The following FAR2 variants were observed in gnomAD, a reference collection of about 807,000 sequenced individuals.
FAR2 encodes epididymis secretory protein Li 81.
FAR2 carries 19 observed loss-of-function variants against 56.0 expected under a neutral mutation model. The ratio of observed to expected loss-of-function variants is 0.34; its 90% CI spans 0.24 to 0.50. The LOEUF (loss-of-function observed/expected upper bound fraction) is 0.50, where lower values mean the gene tolerates loss of function less well. FAR2 is among the 20% of genes least tolerant of loss of function. FAR2 has a pLI of 0.98. For missense variants in FAR2, 508 were observed against 642.2 expected (o/e 0.79, Z 2.26); for synonymous variants, 219 against 218.8 (o/e 1.00, Z -0.01).
At chr12:29,184,732 C>T (rs547226465) in intron 1 of FAR2, among the ~76,000 whole-genome samples, 24 of 152,088 alleles carry the variant, frequency 1.6e-4, no homozygotes, top group Non-Finnish European at 3.2e-4. Context: ...CCACTGAGCC[C>T]GGCCCCTTCA....
intron 1 of FAR2, among the ~76,000 whole-genome samples, chr12:29,239,665 C>A (rs1263791605): frequency 1.3e-5 from 2 of 152,062 alleles, no homozygotes. Context: ...TCATCATAAC[C>A]AAAGATTTTA....
intron 10 of FAR2, among the ~76,000 whole-genome samples, chr12:29,325,715 A>G (rs1949632480): frequency 6.6e-6 from 1 of 152,230 alleles, no homozygotes; most frequent in South Asian, 2.1e-4. Flanking sequence ...GAACAAAGAC[A>G]CAACATACCA....
intron 1 of FAR2, among the ~76,000 whole-genome samples, chr12:29,202,481 G>T (rs1947428487): frequency 6.6e-6 from 1 of 152,008 alleles, no homozygotes; most frequent in South Asian, 2.1e-4. Context: ...TTATTTCCTT[G>T]CTATTAAAAA....
At chr12:29,243,935 C>G (rs548062208) in intron 1 of FAR2, among the ~76,000 whole-genome samples, 2 of 152,150 alleles carry the variant, frequency 1.3e-5, no homozygotes, top group Non-Finnish European at 2.9e-5. Flanking sequence ...CAGGTGGTGT[C>G]TCGTTCATCA....
chr12:29,288,498 C>A (rs1468702889), intron 2 of FAR2, among the ~76,000 whole-genome samples: 2 of 152,026 alleles, frequency 1.3e-5, no homozygotes, highest in Non-Finnish European at 2.9e-5. Flanking sequence ...ATTTTTCTTA[C>A]TTTAATCTCT....
At chr12:29,202,652 G>A (rs1947430563) in intron 1 of FAR2, among the ~76,000 whole-genome samples, 1 of 152,152 alleles carries the variant, frequency 6.6e-6, no homozygotes, top group African/African-American at 2.4e-5. Flanking sequence ...CATCCTTGCA[G>A]TAATGAGAGG....
intron 1 of FAR2, among the ~76,000 whole-genome samples, chr12:29,221,126 G>T (rs1947685034): frequency 6.6e-6 from 1 of 152,050 alleles, no homozygotes; most frequent in East Asian, 1.9e-4. Flanking sequence ...GCGTATTCCT[G>T]TAAGGTCATA....
At chr12:29,173,165 GTCTGCTTTGA>G (rs770175456) in intron 1 of FAR2, among the ~76,000 whole-genome samples, 2 of 152,196 alleles carry the variant, frequency 1.3e-5, no homozygotes, top group Non-Finnish European at 2.9e-5. Flanking sequence ...ACTTCCATGG[GTCTGCTTTGA>G]TCTGCTTTAT....
chr12:29,316,770 C>A, intron 8 of FAR2, 71 bp from the exon 9 acceptor site: 1 of 1,463,708 alleles, frequency 6.8e-7, no homozygotes, highest in Non-Finnish European at 9.4e-7. Flanking sequence ...TGACCCATTA[C>A]AAATGCTTTC....
At position 29,333,776 on chromosome 12, in the gene FAR2, C is replaced by G. The variant is rs115301504; in HGVS notation, c.1530C>G (p.Ser510=). Residue 510 remains serine (S), a synonymous_variant, in exon 12 of 12, where the codon TCC becomes TCG. Transcript: ENST00000536681. The part of the protein sequence containing the change: ...CYKFLSYFRA[S]STLKV ...AATTCCTCTCCTACTTTAGAGCATCCAGCACGCTCAAAGTTTAAGAGCATT... is the reference window on the plus strand; with the variant it reads ...AATTCCTCTCCTACTTTAGAGCATCGAGCACGCTCAAAGTTTAAGAGCATT... 518 of 1,613,586 alleles carry G rather than the reference C, an allele frequency of 3.2e-4. No individual in the cohort carries two copies. The African/African-American group carries it at 6.2e-3, about 19-fold the overall frequency.
chr12:29,334,914 A>T lies in FAR2; in HGVS notation c.*1120A>T, dbSNP rs1047652991. 1 of 152,192 alleles carries T rather than the reference A, an allele frequency of 6.6e-6. No homozygotes were observed. Among genetic ancestry groups the T allele is most frequent in the African/African-American group, 2.4e-5 (1 of 41,458 alleles). The allele number at this position is 152,192 out of a possible 1,614,324, so 9.4% of individuals were successfully genotyped here. On this transcript the variant is annotated 3_prime_UTR_variant, in exon 12 of 12. Transcript: ENST00000536681. Reference sequence around the variant, plus strand: ...TCTTAAAAAATTTTGTGTATAATACAAACTAATGAAAACTATACATATTCT... The same window carrying T: ...TCTTAAAAAATTTTGTGTATAATACTAACTAATGAAAACTATACATATTCT...
intron 1 of FAR2, among the ~76,000 whole-genome samples, chr12:29,216,469 A>G (rs76284333): frequency 2.7e-5 from 2 of 74,782 alleles, no homozygotes; most frequent in African/African-American, 6.7e-5. Context: ...TATTGCTCTC[A>G]TGTGTACAGC....
rs569497450 is a variant in FAR2 at position 29,211,643 on chromosome 12, C to T, written c.-38-58769C>T. Among the ~76,000 whole-genome samples, 57 of 152,012 alleles carry T rather than the reference C, an allele frequency of 3.7e-4. 1 individual carries two copies. The highest frequency in any genetic ancestry group is 1.4e-3 in the African/African-American group (56 of 41,444). On this transcript the variant is annotated intron_variant, in intron 1 of 11. Transcript: ENST00000536681. ...GTTACTGAGCTGCAATGGTGACTTA[C>T]GAGAGAATCAACTCCCTGTAACTTC...
At chr12:29,309,385 C>A (rs1949308321) in intron 6 of FAR2, among the ~76,000 whole-genome samples, 155 bp downstream of exon 6, 1 of 152,006 alleles carries the variant, frequency 6.6e-6, no homozygotes, top group Admixed American at 6.6e-5. Flanking sequence ...TTGTAATATA[C>A]AGGCAGGATG....
In FAR2 at chr12:29,335,509, T is replaced by C. The variant is rs943491833; in HGVS notation, c.*1715T>C. ...GTGGGATTGGATTAAGACATAATAA[T>C]AGTTCTAAGAATTCACTTTTGATTG... On this transcript the variant is annotated 3_prime_UTR_variant, in exon 12 of 12. Transcript: ENST00000536681. 2.0e-5 allele frequency: 3 copies of C among 152,178 alleles called. No individual in the cohort carries two copies. The highest frequency in any genetic ancestry group is 7.2e-5 in the African/African-American group (3 of 41,436). 9.4% of individuals were successfully genotyped at this position (152,178 alleles called of 1,614,324 possible).
At chr12:29,279,840 T>G (rs1181012490) in intron 2 of FAR2, among the ~76,000 whole-genome samples, 1 of 152,220 alleles carries the variant, frequency 6.6e-6, no homozygotes, top group Non-Finnish European at 1.5e-5. Context: ...TCATAAACTG[T>G]ATCTGATAAT....
intron 4 of FAR2, among the ~76,000 whole-genome samples, chr12:29,306,049 C>G (rs1335746242): frequency 1.3e-5 from 2 of 151,268 alleles, no homozygotes; most frequent in African/African-American, 4.9e-5. Context: ...TTTTCATAAA[C>G]TATATATTTT....
intron 3 of FAR2, among the ~76,000 whole-genome samples, chr12:29,296,463 T>C (rs1210098600): frequency 1.3e-5 from 2 of 152,246 alleles, no homozygotes; most frequent in Non-Finnish European, 2.9e-5. Flanking sequence ...AGTTTCCTGG[T>C]ATTTGATAAA....
chr12:29,174,567 CCCA>C (rs1436418780), intron 1 of FAR2, among the ~76,000 whole-genome samples: 1 of 150,824 alleles, frequency 6.6e-6, no homozygotes, highest in African/African-American at 2.5e-5. Flanking sequence ...ACTACAGGGG[CCCA>C]CCACCACGCC....
Sources: gnomAD v4.1 joint callset for allele counts (sites outside exome capture counted in the v4.1 genomes callset) on GRCh38, gnomAD v4.1.1 for gene constraint, MANE v1.5 for transcripts, NCBI Gene and HGNC (gene_info 2026-07-23, HGNC 2026-07-21) for gene names.